PCDHA1: variants seen among roughly 807,000 people sequenced by gnomAD.
The protein encoded by PCDHA1 is protocadherin alpha 1.
A neutral mutation model predicts 61.3 loss-of-function variants in PCDHA1; 42 were observed. The ratio of observed to expected loss-of-function variants is 0.69; its 90% confidence interval spans 0.54 to 0.89. The LOEUF is 0.89. PCDHA1 is among the 40% of genes least tolerant of loss of function. The probability of loss-of-function intolerance (pLI) is 0.00; values close to 1 mark genes in which losing one functional copy is unlikely to be tolerated. For missense variants in PCDHA1, 1,256 were observed against 1,235.3 expected (o/e 1.02, Z -0.25); for synonymous variants, 610 against 553.8 (o/e 1.10, Z -1.43).
chr5:140,913,125 C>G (rs1164527264), intron 1 of PCDHA1, among the ~76,000 whole-genome samples: 1 of 152,132 alleles, frequency 6.6e-6, no homozygotes, highest in Non-Finnish European at 1.5e-5. Context: ...AAGTTAACCC[C>G]TCCTCTACTT....
intron 1 of PCDHA1, chr5:140,814,574 T>TA (rs1554126552): frequency 6.6e-6 from 1 of 152,230 alleles, no homozygotes; most frequent in East Asian, 1.9e-4. Flanking sequence ...TTATGTACTG[T>TA]AAATTACTGT....
intron 1 of PCDHA1, among the ~76,000 whole-genome samples, chr5:140,941,227 CTT>C (rs797022976): frequency 1.5e-5 from 2 of 136,000 alleles, no homozygotes; most frequent in Admixed American, 7.7e-5. Context: ...TTCTTTCTTT[CTT>C]TCTTTCTTTC....
chr5:140,801,808 A>T, intron 1 of PCDHA1: 1 of 1,614,124 alleles, frequency 6.2e-7, no homozygotes, highest in Non-Finnish European at 8.5e-7. Context: ...AATCGAGAGG[A>T]CACTCCTAAG....
intron 3 of PCDHA1, among the ~76,000 whole-genome samples, chr5:140,986,392 C>T (rs1331552974): frequency 1.3e-5 from 2 of 152,162 alleles, no homozygotes; most frequent in South Asian, 2.1e-4. Context: ...CATTAAAGGG[C>T]CAGTCGCTCA....
At chr5:140,913,092 C>T (rs1293188459) in intron 1 of PCDHA1, among the ~76,000 whole-genome samples, 1 of 152,134 alleles carries the variant, frequency 6.6e-6, no homozygotes, top group Non-Finnish European at 1.5e-5. Flanking sequence ...CAGGATAATA[C>T]TGGCCTCATA....
chr5:140,928,942 T>C lies in PCDHA1; in HGVS notation c.2395-50007T>C. The stretch of plus-strand genomic sequence containing the variant: ...GCAGCTTTCTGCCCAGAACTTGTAT[T>C]TAGTAATTGCCTTGGCTTGTATTTC... On this transcript the variant is annotated intron_variant, in intron 1 of 3. Transcript: ENST00000504120. 4 of 1,614,060 alleles carry C rather than the reference T, an allele frequency of 2.5e-6. No individual in the cohort carries two copies. The South Asian group carries it at 4.4e-5, about 18-fold the overall frequency.
rs2150513075 is a variant in PCDHA1, at chr5:140,852,180, T to C, written c.2394+63496T>C. The C allele has an allele frequency of 3.0e-5, 23 of 771,014 alleles. 2 individuals carry two copies. The highest frequency in any genetic ancestry group is 3.4e-5 in the Non-Finnish European group (21 of 620,092). The allele number at this position is 771,014 out of a possible 1,614,324, so 47.8% of individuals were successfully genotyped here. On this transcript the variant is annotated intron_variant, in intron 1 of 3. Coordinates refer to ENST00000504120, the MANE Select transcript of PCDHA1 (RefSeq NM_018900.4). ...GAGAATAGAGCCACAAAAATAACTATGAAAATGCCAGTAACGTTTATTTAA... is the reference window on the plus strand; with the variant it reads ...GAGAATAGAGCCACAAAAATAACTACGAAAATGCCAGTAACGTTTATTTAA...
chr5:140,974,057 G>A (rs1302269611), intron 1 of PCDHA1, among the ~76,000 whole-genome samples: 1 of 152,154 alleles, frequency 6.6e-6, no homozygotes, highest in Non-Finnish European at 1.5e-5. Flanking sequence ...ATAATATTTG[G>A]AGCAGTATAA....
intron 1 of PCDHA1, chr5:140,809,656 T>A (rs1764520774): frequency 2.0e-6 from 3 of 1,487,570 alleles, no homozygotes; most frequent in Non-Finnish European, 2.7e-6. Flanking sequence ...AAGAGTCAAA[T>A]TTCCCTGGGT....
rs2150205014 is a variant in PCDHA1, at chr5:140,832,896, C to G, written c.2394+44212C>G. Among the ~76,000 whole-genome samples, 13 of 152,128 alleles carry G rather than the reference C, an allele frequency of 8.5e-5. 1 individual carries two copies. In the South Asian group the frequency reaches 2.7e-3, roughly 32 times the overall value. On this transcript the variant is annotated intron_variant, in intron 1 of 3. Coordinates refer to ENST00000504120, the MANE Select transcript of PCDHA1 (RefSeq NM_018900.4). ...GGTTATAAAATGGAAAGAGTTTTCCCTGGGAGAATATGGAGACTAACAGGT... is the reference window on the plus strand; with the variant it reads ...GGTTATAAAATGGAAAGAGTTTTCCGTGGGAGAATATGGAGACTAACAGGT...
chr5:140,968,276 G>A, intron 1 of PCDHA1: 1 of 1,614,070 alleles, frequency 6.2e-7, no homozygotes, highest in South Asian at 1.1e-5. Context: ...GAATGCAGAG[G>A]TGACCTACTC....
intron 1 of PCDHA1, chr5:140,812,000 C>T (rs1554125866): frequency 2.1e-5 from 2 of 95,182 alleles, no homozygotes; most frequent in African/African-American, 1.1e-4. Flanking sequence ...TTTTTACTAC[C>T]ATTTTTTTGT....
chr5:140,854,297 T>C (rs1194574834), intron 1 of PCDHA1: 2 of 419,142 alleles, frequency 4.8e-6, no homozygotes, highest in Non-Finnish European at 6.4e-6. Context: ...TATTATTTTG[T>C]GCGTGGAGAT....
intron 1 of PCDHA1, chr5:140,968,473 G>T (rs1389339011): frequency 6.2e-7 from 1 of 1,613,980 alleles, no homozygotes; most frequent in African/African-American, 1.3e-5. Context: ...ACGTATATGT[G>T]GTGGACATGA....
In PCDHA1 at chr5:140,801,984, A is replaced by G. The variant is rs1762826561; in HGVS notation, c.2394+13300A>G. 5.0e-6 allele frequency: 8 copies of G among 1,614,222 alleles called. No homozygotes were observed. In the East Asian group the frequency reaches 1.8e-4, roughly 36 times the overall value. On this transcript the variant is annotated intron_variant, in intron 1 of 3. Transcript: ENST00000504120. Reference sequence around the variant, plus strand: ...TGCACCAAATGGTACCCTAGTGGTGACCGTTAACGCCACCGATTTGGATGA... The same window carrying G: ...TGCACCAAATGGTACCCTAGTGGTGGCCGTTAACGCCACCGATTTGGATGA...
chr5:140,928,084 C>T (rs782346696), intron 1 of PCDHA1: 2 of 1,614,232 alleles, frequency 1.2e-6, no homozygotes, highest in Non-Finnish European at 1.7e-6. Context: ...CTACAGCCTG[C>T]TGATTGATGG....
chr5:140,862,502 G>A (rs2047397445), intron 1 of PCDHA1: 2 of 398,710 alleles, frequency 5.0e-6, no homozygotes, highest in Non-Finnish European at 5.0e-6. Flanking sequence ...TCGGAATGGG[G>A]ACTCGCTTTC....
At chr5:140,966,764 G>T in intron 1 of PCDHA1, 1 of 1,475,264 alleles carries the variant, frequency 6.8e-7, no homozygotes, top group Non-Finnish European at 9.0e-7. Context: ...GCGGCCAGTG[G>T]CTATGGAGCA....
chr5:140,941,248 T>TTTCTTTCC (rs1563187616), intron 1 of PCDHA1, among the ~76,000 whole-genome samples: 1 of 141,492 alleles, frequency 7.1e-6, no homozygotes, highest in African/African-American at 2.6e-5. Context: ...TCTTTCTTTC[T>TTTCTTTCC]TTCTTTCTCT....
Sources: allele counts gnomAD v4.1 joint callset (sites outside exome capture counted in the v4.1 genomes callset), GRCh38; gene constraint gnomAD v4.1.1; transcripts MANE v1.5; gene names NCBI Gene and HGNC (gene_info 2026-07-23, HGNC 2026-07-21).